The following PCDHA1 variants were observed in gnomAD, a reference collection of about 807,000 sequenced individuals.
PCDHA1 encodes the protein protocadherin alpha-1.
In PCDHA1, 42 loss-of-function variants were observed where a neutral mutation model predicts 61.3. The observed-to-expected ratio is 0.69, with a 90% CI of 0.54 to 0.89. The LOEUF is 0.89. PCDHA1 is among the 40% of genes least tolerant of loss of function. PCDHA1 has a pLI of 0.00. For synonymous variants in PCDHA1, 610 were observed against 553.8 expected, an observed-to-expected ratio of 1.10 and a Z score of -1.43; for missense variants, 1,256 against 1,235.3, an observed-to-expected ratio of 1.02 and a Z score of -0.25.
chr5:140,902,010 G>A (rs187351122), intron 1 of PCDHA1, among the ~76,000 whole-genome samples: 56 of 152,092 alleles, frequency 3.7e-4, no homozygotes, highest in African/African-American at 1.3e-3. Context: ...TCACTGTTGG[G>A]ACATATAGAA....
intron 1 of PCDHA1, among the ~76,000 whole-genome samples, chr5:140,820,020 T>G (rs1330576883): frequency 2.0e-5 from 3 of 152,036 alleles, no homozygotes; most frequent in African/African-American, 7.2e-5. Context: ...ATTCCATAGC[T>G]TTGTAGTTTT....
At chr5:141,006,130 TAGAAAGCTTAAGC>T (rs2098257447) in intron 3 of PCDHA1, among the ~76,000 whole-genome samples, 1 of 150,362 alleles carries the variant, frequency 6.7e-6, no homozygotes. Context: ...CTCAAGGCAG[TAGAAAGCTTAAGC>T]AGAGGAGTGA....
rs2150227413 is a variant in PCDHA1 at position 140,834,821 on chromosome 5, G to A, written c.2394+46137G>A. ...GGAATCTGTTCATCGCGGAATCCAG[G>A]CCGCTTGACTCTCGGTTTCCACTAG... On this transcript the variant is annotated intron_variant, in intron 1 of 3. Coordinates refer to ENST00000504120, the MANE Select transcript of PCDHA1 (RefSeq NM_018900.4). 167 of 1,612,344 alleles carry A rather than the reference G, an allele frequency of 1.0e-4. No homozygotes were observed. The East Asian group carries it at 3.7e-3, about 36-fold the overall frequency.
At chr5:140,795,093 C>A in intron 1 of PCDHA1, 4 of 1,614,026 alleles carry the variant, frequency 2.5e-6, no homozygotes, top group Non-Finnish European at 3.4e-6. Context: ...AACACGGCAC[C>A]TTCGTGGGCC....
chr5:140,808,193 G>C, intron 1 of PCDHA1: 1 of 1,614,238 alleles, frequency 6.2e-7, no homozygotes, highest in East Asian at 2.2e-5. Context: ...CCATTGTAGA[G>C]TTATTGTGGA....
chr5:140,994,105 A>G (rs1264024543), intron 3 of PCDHA1, among the ~76,000 whole-genome samples: 2 of 152,226 alleles, frequency 1.3e-5, no homozygotes, highest in African/African-American at 2.4e-5. Context: ...TGGAAATATT[A>G]CATTGTCATG....
chr5:141,006,436 A>G (rs2153987648), intron 3 of PCDHA1, among the ~76,000 whole-genome samples: 1 of 152,098 alleles, frequency 6.6e-6, no homozygotes, highest in African/African-American at 2.4e-5. Context: ...GATGGTCTCA[A>G]TCTCCTGACC....
rs782085408 is a variant in PCDHA1, at chr5:140,870,885, C to A, written c.2394+82201C>A. On this transcript the variant is annotated intron_variant, in intron 1 of 3. Coordinates refer to ENST00000504120, the MANE Select transcript of PCDHA1 (RefSeq NM_018900.4). ...CGGGCCACGTGGTGGCGAAGGTGCG[C>A]GCAGTGGATGCGGACTCAGGCTACA... 5 of 1,613,800 alleles carry A rather than the reference C, an allele frequency of 3.1e-6. No individual in the cohort carries two copies. The African/African-American group carries it at 5.3e-5, about 17-fold the overall frequency.
chr5:140,802,847 G>C, intron 1 of PCDHA1: 1 of 1,613,552 alleles, frequency 6.2e-7, no homozygotes, highest in Non-Finnish European at 8.5e-7. Flanking sequence ...GCAACGTGAC[G>C]CTGCAGGTGT....
intron 1 of PCDHA1, chr5:140,853,994 C>A (rs1157670229): frequency 4.2e-6 from 2 of 477,726 alleles, no homozygotes; most frequent in Non-Finnish European, 5.6e-6. Context: ...TGAGACTCAT[C>A]TCTGCCAAAA....
intron 1 of PCDHA1, chr5:140,882,774 C>T (rs782785084): frequency 1.2e-6 from 2 of 1,614,228 alleles, no homozygotes; most frequent in Non-Finnish European, 1.7e-6. Flanking sequence ...TCGGCATTGA[C>T]CTACCGACTG....
chr5:140,941,175 C>T (rs1344326389), intron 1 of PCDHA1, among the ~76,000 whole-genome samples: 1 of 145,416 alleles, frequency 6.9e-6, no homozygotes, highest in Admixed American at 6.8e-5. Context: ...CCATCTTGAA[C>T]ATCCTGCTTC....
At chr5:140,883,989 G>C (rs1554180956) in intron 1 of PCDHA1, 1 of 1,612,834 alleles carries the variant, frequency 6.2e-7, no homozygotes, top group Non-Finnish European at 8.5e-7. Flanking sequence ...GGCAGCGCGG[G>C]AGGCACAGTG....
At chr5:140,824,438 T>G in intron 1 of PCDHA1, 1 of 481,602 alleles carries the variant, frequency 2.1e-6, no homozygotes, top group Non-Finnish European at 3.6e-6. Context: ...AAAGTTTCAG[T>G]TTATGACTAC....
intron 1 of PCDHA1, chr5:140,805,385 G>T: frequency 9.1e-7 from 1 of 1,102,172 alleles, no homozygotes. Context: ...AAAGTACTCT[G>T]GTTTCTGTTT....
chr5:140,944,807 A>T (rs1472832230), intron 1 of PCDHA1, among the ~76,000 whole-genome samples: 1 of 152,214 alleles, frequency 6.6e-6, no homozygotes, highest in Non-Finnish European at 1.5e-5. Context: ...TCGAGGGTCC[A>T]CAGTGATCTT....
intron 1 of PCDHA1, chr5:140,843,343 G>C: frequency 6.3e-7 from 1 of 1,596,112 alleles, no homozygotes; most frequent in Non-Finnish European, 8.6e-7. Flanking sequence ...AGAGCGGCCA[G>C]GCTCCAAAAG....
intron 1 of PCDHA1, chr5:140,851,113 A>C: frequency 1.5e-6 from 2 of 1,303,480 alleles, no homozygotes; most frequent in East Asian, 5.4e-5. Context: ...GTGCTGAATC[A>C]ATTTTATTTA....
chr5:140,972,987 T>C (rs2096567014), intron 1 of PCDHA1, among the ~76,000 whole-genome samples: 1 of 152,044 alleles, frequency 6.6e-6, no homozygotes, highest in Admixed American at 6.6e-5. Flanking sequence ...TAAGGTAGAT[T>C]CTGTGCATTT....
Sources: allele counts gnomAD v4.1 joint callset (sites outside exome capture counted in the v4.1 genomes callset), GRCh38; gene constraint gnomAD v4.1.1; transcripts MANE v1.5; gene names NCBI Gene and HGNC (gene_info 2026-07-23, HGNC 2026-07-21).